The following FHIT variants were observed in gnomAD, a reference collection of about 807,000 sequenced individuals.
FHIT encodes the protein fragile histidine triad diadenosine triphosphatase.
In FHIT, 19 loss-of-function variants were observed where a neutral mutation model predicts 17.9. The ratio of observed to expected loss-of-function variants is 1.06; its 90% confidence interval spans 0.74 to 1.56. The LOEUF (loss-of-function observed/expected upper bound fraction) is 1.56, where lower values mean the gene tolerates loss of function less well. Ranked by LOEUF, FHIT falls within the 40% of genes most tolerant of loss-of-function variation. The probability of loss-of-function intolerance (pLI) is 0.00; values close to 1 mark genes in which losing one functional copy is unlikely to be tolerated. For missense variants in FHIT, 248 were observed against 189.2 expected, an observed-to-expected ratio of 1.31 and a Z score of -1.82; for synonymous variants, 81 against 69.7, an observed-to-expected ratio of 1.16 and a Z score of -0.81.
intron 3 of FHIT, among the ~76,000 whole-genome samples, chr3:60,917,360 C>G (rs1707058643): frequency 6.6e-6 from 1 of 152,244 alleles, no homozygotes; most frequent in Non-Finnish European, 1.5e-5. Context: ...TGACTGGCCA[C>G]CTGCCTCTCT....
intron 3 of FHIT, among the ~76,000 whole-genome samples, chr3:60,862,961 T>C (rs1675449135): frequency 6.6e-6 from 1 of 152,128 alleles, no homozygotes; most frequent in African/African-American, 2.4e-5. Flanking sequence ...TCAACCGACT[T>C]TAACATAGGA....
At chr3:60,774,162 A>T (rs1700139387) in intron 4 of FHIT, among the ~76,000 whole-genome samples, 1 of 152,224 alleles carries the variant, frequency 6.6e-6, no homozygotes. Flanking sequence ...TGAGAACTGG[A>T]CAGAGTAGAT....
chr3:60,973,033 G>T (rs1034985889), intron 3 of FHIT, among the ~76,000 whole-genome samples: 1 of 151,964 alleles, frequency 6.6e-6, no homozygotes, highest in Non-Finnish European at 1.5e-5. Context: ...GTCACTTTTG[G>T]ATCTGTTACT....
At chr3:60,328,093 T>A (rs537795850) in intron 5 of FHIT, among the ~76,000 whole-genome samples, 2 of 152,276 alleles carry the variant, frequency 1.3e-5, no homozygotes, top group South Asian at 4.1e-4. Context: ...TCCTCTGATT[T>A]TCAGCCTAGC....
At chr3:60,530,948 C>T (rs1268273948) in intron 5 of FHIT, among the ~76,000 whole-genome samples, 1 of 152,146 alleles carries the variant, frequency 6.6e-6, no homozygotes, top group Admixed American at 6.5e-5. Context: ...GAAACCTTTC[C>T]CACAGAAGTA....
intron 5 of FHIT, among the ~76,000 whole-genome samples, chr3:60,531,747 T>C (rs1386717898): frequency 6.6e-6 from 1 of 152,242 alleles, no homozygotes; most frequent in African/African-American, 2.4e-5. Flanking sequence ...TAAGAATCAC[T>C]GTTAAGTAAT....
At chr3:59,896,020 T>C (rs1704053778) in intron 8 of FHIT, among the ~76,000 whole-genome samples, 1 of 152,216 alleles carries the variant, frequency 6.6e-6, no homozygotes, top group Non-Finnish European at 1.5e-5. Flanking sequence ...TAAAGTCAAC[T>C]CGTCAGAGAA....
At chr3:60,107,325 T>TA (rs899368141) in intron 5 of FHIT, among the ~76,000 whole-genome samples, 19 of 151,938 alleles carry the variant, frequency 1.3e-4, no homozygotes, top group East Asian at 1.9e-4. Flanking sequence ...GAAACAAAAC[T>TA]AAAAAAAATT....
At chr3:60,911,679 T>C (rs1203527303) in intron 3 of FHIT, among the ~76,000 whole-genome samples, 2 of 152,162 alleles carry the variant, frequency 1.3e-5, no homozygotes, top group African/African-American at 2.4e-5. Context: ...GTCCTGGCAG[T>C]CTAATTTCAA....
chr3:61,159,310 T>C (rs2037621823), intron 2 of FHIT, among the ~76,000 whole-genome samples: 1 of 152,198 alleles, frequency 6.6e-6, no homozygotes, highest in African/African-American at 2.4e-5. Context: ...GGTGTGCGTT[T>C]GATACAATCT....
chr3:59,895,192 T>C (rs760869569), intron 8 of FHIT, among the ~76,000 whole-genome samples: 1 of 152,192 alleles, frequency 6.6e-6, no homozygotes, highest in African/African-American at 2.4e-5. Context: ...AAAATGTCAG[T>C]AGTGCCAAGA....
chr3:59,953,188 T>A (rs984480433), intron 7 of FHIT, among the ~76,000 whole-genome samples: 7 of 151,978 alleles, frequency 4.6e-5, no homozygotes, highest in Non-Finnish European at 1.0e-4. Flanking sequence ...CTATCTCTTC[T>A]TGTCTTTCTC....
At chr3:60,586,722 C>G (rs2037919418) in intron 4 of FHIT, among the ~76,000 whole-genome samples, 1 of 151,952 alleles carries the variant, frequency 6.6e-6, no homozygotes, top group Admixed American at 6.6e-5. Context: ...GGCCATTATA[C>G]TTAGAAAACC....
chr3:60,578,083 C>A (rs1348014757), intron 4 of FHIT, among the ~76,000 whole-genome samples: 1 of 152,046 alleles, frequency 6.6e-6, no homozygotes, highest in East Asian at 1.9e-4. Context: ...GTTTCTAAAC[C>A]ACAGCACAAG....
At chr3:59,933,460 A>C (rs1301569730) in intron 7 of FHIT, among the ~76,000 whole-genome samples, 1 of 152,198 alleles carries the variant, frequency 6.6e-6, no homozygotes, top group Admixed American at 6.5e-5. Flanking sequence ...TAAAAAATAG[A>C]AACTGTTGTC....
intron 4 of FHIT, among the ~76,000 whole-genome samples, chr3:60,786,920 TAAATTAAAAGAAGAAAGGGAGGAAGGC>T (rs1306882739): frequency 4.1e-5 from 6 of 146,056 alleles, no homozygotes; most frequent in African/African-American, 1.5e-4. Flanking sequence ...TCTAGTGAGT[TAAATTAAAAGAAGAAAGGGAGGAAGGC>T]AAATTAAAAG....
In FHIT at chr3:60,721,281, A is replaced by G. The variant is rs563809788; in HGVS notation, c.-18+100638T>C. ...AAAGGCCTCCTCTTCCAAATAACCA[A>G]CCTTCTGCTATGTAAAAACATGATT... On this transcript the variant is annotated intron_variant, in intron 4 of 9. Coordinates refer to ENST00000492590, the MANE Select transcript of FHIT (RefSeq NM_002012.4). Among the ~76,000 whole-genome samples the G allele has an allele frequency of 2.0e-5, 3 of 152,168 alleles. No homozygotes were observed. In the East Asian group the frequency reaches 5.8e-4, roughly 29 times the overall value.
intron 5 of FHIT, among the ~76,000 whole-genome samples, chr3:60,323,806 A>C (rs1206225699): frequency 6.6e-6 from 1 of 152,218 alleles, no homozygotes; most frequent in Non-Finnish European, 1.5e-5. Flanking sequence ...AAAGGATATT[A>C]AACTGTAGCC....
chr3:60,226,493 A>AAAAAAAAGAAAAC (rs200934161), intron 5 of FHIT, among the ~76,000 whole-genome samples: 48 of 147,146 alleles, frequency 3.3e-4, no homozygotes, highest in African/African-American at 1.2e-3. Flanking sequence ...AAAAAAAAAA[A>AAAAAAAAGAAAAC]ACACTGCCTG....
Sources: allele counts gnomAD v4.1 joint callset (sites outside exome capture counted in the v4.1 genomes callset), GRCh38; gene constraint gnomAD v4.1.1; transcripts MANE v1.5; gene names NCBI Gene and HGNC (gene_info 2026-07-23, HGNC 2026-07-21).